Variants in KCNK2 observed in about 807,000 individuals in gnomAD.
KCNK2 encodes the protein potassium two pore domain channel subfamily K member 2.
In KCNK2, 21 loss-of-function variants were observed where a neutral mutation model predicts 40.5. That is an observed-to-expected ratio of 0.52 (90% CI 0.37 to 0.75). The LOEUF is 0.75. Ranked by LOEUF, KCNK2 falls within the 30% of genes least tolerant of loss-of-function variation. The pLI is 0.00. For missense variants in KCNK2, 399 were observed against 531.6 expected (o/e 0.75, Z 2.45); for synonymous variants, 191 against 202.2 (o/e 0.94, Z 0.47).
chr1:215,142,822 T>C (rs2102602784), intron 3 of KCNK2, among the ~76,000 whole-genome samples: 1 of 152,282 alleles, frequency 6.6e-6, no homozygotes, highest in Admixed American at 6.5e-5. Flanking sequence ...CTTTTCTTAG[T>C]TGTCTTTGAA....
intron 1 of KCNK2, among the ~76,000 whole-genome samples, chr1:215,015,744 T>C: frequency 6.6e-6 from 1 of 152,126 alleles, no homozygotes; most frequent in South Asian, 2.1e-4. Flanking sequence ...TTTAATGTAT[T>C]GAAGGGTTAG....
At chr1:215,171,426 C>T (rs1328935431) in intron 4 of KCNK2, among the ~76,000 whole-genome samples, 1 of 151,888 alleles carries the variant, frequency 6.6e-6, no homozygotes, top group Admixed American at 6.6e-5. Context: ...GAAGGTTAAG[C>T]TGTTAGTATT....
At chr1:215,203,986 C>G (rs77411813) in intron 6 of KCNK2, among the ~76,000 whole-genome samples, 2 of 121,188 alleles carry the variant, frequency 1.7e-5, no homozygotes, top group Admixed American at 1.2e-4. Flanking sequence ...TGCAGTGAGC[C>G]GAGATCGCGC....
intron 5 of KCNK2, among the ~76,000 whole-genome samples, chr1:215,182,695 C>G (rs1315317327): frequency 1.3e-5 from 2 of 152,180 alleles, no homozygotes; most frequent in African/African-American, 4.8e-5. Flanking sequence ...AGCAAGCACT[C>G]CAGTCTCTGG....
intron 1 of KCNK2, among the ~76,000 whole-genome samples, chr1:215,046,587 GT>G (rs897813506): frequency 9.9e-5 from 15 of 151,932 alleles, no homozygotes; most frequent in Non-Finnish European, 1.6e-4. Flanking sequence ...ACAGGTACAG[GT>G]TTTTTTGGAT....
intron 3 of KCNK2, among the ~76,000 whole-genome samples, chr1:215,131,505 A>C (rs951375094): frequency 6.8e-6 from 1 of 147,398 alleles, no homozygotes; most frequent in African/African-American, 2.5e-5. Flanking sequence ...TTAATATATA[A>C]AATTATATTA....
intron 6 of KCNK2, among the ~76,000 whole-genome samples, chr1:215,228,679 C>A (rs11120523): frequency 0.055 from 8,299 of 152,034 alleles, 697 homozygotes; most frequent in African/African-American, 0.19. Flanking sequence ...GATTAAGTTG[C>A]TGAAATATTT....
chr1:215,138,624 AC>A (rs1662034641), intron 3 of KCNK2, among the ~76,000 whole-genome samples: 1 of 152,088 alleles, frequency 6.6e-6, no homozygotes, highest in South Asian at 2.1e-4. Flanking sequence ...CATGGTGGCT[AC>A]AGTGAGCCAT....
At chr1:215,160,546 G>A (rs1333426085) in intron 3 of KCNK2, among the ~76,000 whole-genome samples, 1 of 152,160 alleles carries the variant, frequency 6.6e-6, no homozygotes, top group South Asian at 2.1e-4. Flanking sequence ...TACCCAATTT[G>A]TTGCTAAATC....
intron 3 of KCNK2, among the ~76,000 whole-genome samples, chr1:215,155,880 T>C (rs188590045): frequency 3.3e-4 from 51 of 152,322 alleles, no homozygotes; most frequent in African/African-American, 1.2e-3. Context: ...GTTTTTCTTT[T>C]ACTATACCCA....
At chr1:215,175,280 C>T (rs1406396916) in intron 5 of KCNK2, among the ~76,000 whole-genome samples, 7 of 152,022 alleles carry the variant, frequency 4.6e-5, no homozygotes, top group Non-Finnish European at 7.4e-5. Flanking sequence ...TTGGAGGACA[C>T]AATTCAGCCC....
At chr1:215,133,969 A>G (rs1661784431) in intron 3 of KCNK2, among the ~76,000 whole-genome samples, 1 of 152,122 alleles carries the variant, frequency 6.6e-6, no homozygotes, top group Non-Finnish European at 1.5e-5. Context: ...AGCAAAAACA[A>G]CAAACAAGAG....
chr1:215,224,005 TA>T (rs1244319010), intron 6 of KCNK2, among the ~76,000 whole-genome samples: 1 of 152,020 alleles, frequency 6.6e-6, no homozygotes, highest in Non-Finnish European at 1.5e-5. Flanking sequence ...AACAGATAAT[TA>T]AGCTAAGTAA....
intron 1 of KCNK2, among the ~76,000 whole-genome samples, chr1:215,071,085 A>C (rs1168921410): frequency 6.6e-6 from 1 of 152,160 alleles, no homozygotes; most frequent in African/African-American, 2.4e-5. Context: ...TCTTGTTTTT[A>C]TTTAAATTAT....
chr1:215,206,163 T>C (rs971320740), intron 6 of KCNK2, among the ~76,000 whole-genome samples: 1 of 152,212 alleles, frequency 6.6e-6, no homozygotes, highest in South Asian at 2.1e-4. Flanking sequence ...TCTGATTCTA[T>C]ATACTCATAT....
intron 1 of KCNK2, among the ~76,000 whole-genome samples, chr1:215,072,413 T>C (rs1010010924): frequency 4.6e-5 from 7 of 152,248 alleles, no homozygotes; most frequent in African/African-American, 1.7e-4. Context: ...CTTAAGACCA[T>C]GTTTAGCCTG....
intron 1 of KCNK2, 35 bp from the exon 2 acceptor site, chr1:215,086,330 TCTC>T: frequency 1.9e-6 from 3 of 1,546,750 alleles, no homozygotes; most frequent in Non-Finnish European, 1.8e-6. Context: ...TCCCTTCTCA[TCTC>T]CTCCAACCTA....
At chr1:215,020,393 T>A (rs1330436772) in intron 1 of KCNK2, among the ~76,000 whole-genome samples, 1 of 152,188 alleles carries the variant, frequency 6.6e-6, no homozygotes, top group Non-Finnish European at 1.5e-5. Flanking sequence ...GAAAGAGGAA[T>A]CCCCAAAATA....
chr1:215,113,580 A>C (rs1347540231), intron 2 of KCNK2, among the ~76,000 whole-genome samples: 1 of 152,016 alleles, frequency 6.6e-6, no homozygotes, highest in Non-Finnish European at 1.5e-5. Flanking sequence ...AGCTGTCTAG[A>C]GGACACCCAA....
Sources: gnomAD v4.1 joint callset for allele counts (sites outside exome capture counted in the v4.1 genomes callset) on GRCh38, gnomAD v4.1.1 for gene constraint, MANE v1.5 for transcripts, NCBI Gene and HGNC (gene_info 2026-07-23, HGNC 2026-07-21) for gene names.